PLEKHF2: variants seen among roughly 807,000 people sequenced by gnomAD.
PLEKHF2 encodes pleckstrin homology and FYVE domain containing 2.
In PLEKHF2, 4 loss-of-function variants were observed where a neutral mutation model predicts 14.7. The ratio of observed to expected loss-of-function variants is 0.27; its 90% CI spans 0.13 to 0.62. PLEKHF2 has a LOEUF of 0.62. Among genes scored for constraint, PLEKHF2 ranks in the 20% least tolerant of loss-of-function variants. The pLI, the probability that PLEKHF2 is intolerant of heterozygous loss-of-function variation, is 0.85. For missense variants in PLEKHF2, 201 were observed against 307.7 expected (o/e 0.65, Z 2.60); for synonymous variants, 90 against 103.5 (o/e 0.87, Z 0.79).
At chr8:95,139,759 TG>T (rs1375628751) in intron 1 of PLEKHF2, among the ~76,000 whole-genome samples, 1 of 151,902 alleles carries the variant, frequency 6.6e-6, no homozygotes, top group African/African-American at 2.4e-5. Context: ...TAAATTTTTG[TG>T]GGTAAAAATT....
Position 95,138,361 on chromosome 8 carries a change from C to G in PLEKHF2, c.-15+4331C>G, listed in dbSNP as rs953781260. Among the ~76,000 whole-genome samples the G allele has an allele frequency of 2.5e-4, 22 of 87,516 alleles. No homozygotes were observed. The South Asian group carries it at 4.7e-3, about 19-fold the overall frequency. The allele number at this position is 87,516 out of a possible 152,430, so 57.4% of individuals were successfully genotyped here. ...CACCAACTTCTTCATCTTCCCCCCC[C>G]CCCCGCCCCTTTTTCAGAAGTGGAA... On this transcript the variant is annotated intron_variant, in intron 1 of 1. Transcript: ENST00000315367.
At chr8:95,142,813 T>C (rs951312742) in intron 1 of PLEKHF2, among the ~76,000 whole-genome samples, 52 of 152,340 alleles carry the variant, frequency 3.4e-4, no homozygotes, top group African/African-American at 1.1e-3. Flanking sequence ...AATTTTTAAT[T>C]ACATACTGTA....
intron 1 of PLEKHF2, among the ~76,000 whole-genome samples, chr8:95,152,997 A>G (rs1810578895): frequency 2.0e-5 from 3 of 152,170 alleles, no homozygotes; most frequent in Admixed American, 6.6e-5. Flanking sequence ...TTAGAGATTA[A>G]ATGTTTAGAT....
At position 95,154,928 on chromosome 8, in the gene PLEKHF2, T is replaced by C; in HGVS notation, c.*134T>C. ...CTGAGAAACTTGTAACCTATGTGCC[T>C]CAATATATTCCATAGAAAGTAGGTC... On this transcript the variant is annotated 3_prime_UTR_variant, in exon 2 of 2. Coordinates refer to ENST00000315367, the MANE Select transcript of PLEKHF2 (RefSeq NM_024613.4). The surrounding 1 kb of genome is among the most constrained non-coding windows in gnomAD (Gnocchi z 5.6). The C allele has an allele frequency of 9.4e-7, 1 of 1,062,220 alleles. No homozygotes were observed. The highest frequency in any genetic ancestry group is 1.4e-6 in the Non-Finnish European group (1 of 736,102). 65.8% of individuals were successfully genotyped at this position (1,062,220 alleles called of 1,614,324 possible). A position where few individuals can be genotyped will look rare whatever the true frequency, so the allele number is the denominator to read the frequency against.
chr8:95,155,763 C>T lies in PLEKHF2; in HGVS notation c.*969C>T, dbSNP rs917995670. 1 of 167,018 alleles carries T rather than the reference C, an allele frequency of 6.0e-6. No homozygotes were observed. The highest frequency in any genetic ancestry group is 1.9e-4 in the East Asian group (1 of 5,204). The allele number at this position is 167,018 out of a possible 1,614,324, so 10.3% of individuals were successfully genotyped here. A position where few individuals can be genotyped will look rare whatever the true frequency, so the allele number is the denominator to read the frequency against. On this transcript the variant is annotated 3_prime_UTR_variant, in exon 2 of 2. Transcript: ENST00000315367. The stretch of plus-strand genomic sequence containing the variant: ...AGCCTGTGTTAGAGCACAGATTTAC[C>T]TAGGCTTGAAGATTTGGAAGAAATA...
chr8:95,141,325 G>A (rs528749864), intron 1 of PLEKHF2, among the ~76,000 whole-genome samples: 1 of 152,026 alleles, frequency 6.6e-6, no homozygotes, highest in Non-Finnish European at 1.5e-5. Context: ...CTTTTCAACT[G>A]GATCCTGTTT....
intron 1 of PLEKHF2, among the ~76,000 whole-genome samples, chr8:95,144,638 G>A (rs979912982): frequency 1.3e-5 from 2 of 152,070 alleles, no homozygotes; most frequent in African/African-American, 2.4e-5. Context: ...AAGCCGAGGC[G>A]GGTGGATCAC....
intron 1 of PLEKHF2, among the ~76,000 whole-genome samples, chr8:95,152,624 C>G: frequency 6.6e-6 from 1 of 151,990 alleles, no homozygotes; most frequent in Non-Finnish European, 1.5e-5. Context: ...AATTAGAAAC[C>G]TTTCCAGTTT....
intron 1 of PLEKHF2, among the ~76,000 whole-genome samples, chr8:95,151,571 A>G (rs1810564782): frequency 6.6e-6 from 1 of 151,924 alleles, no homozygotes; most frequent in African/African-American, 2.4e-5. Context: ...AAAAAAAATC[A>G]TAGCATTGAT....
rs1029665559 is a variant in PLEKHF2 at position 95,155,322 on chromosome 8, C to T, written c.*528C>T. 1 of 168,120 alleles carries T rather than the reference C, an allele frequency of 5.9e-6. No homozygotes were observed. 10.4% of individuals were successfully genotyped at this position (168,120 alleles called of 1,614,324 possible). The stretch of plus-strand genomic sequence containing the variant: ...CACTGTTACATGAAATAAGCCCCTA[C>T]CTTCTTACTTTCTGGTTTGTTGAAA... On this transcript the variant is annotated 3_prime_UTR_variant, in exon 2 of 2. Transcript: ENST00000315367.
At chr8:95,150,955 A>C (rs1810555347) in intron 1 of PLEKHF2, among the ~76,000 whole-genome samples, 1 of 152,132 alleles carries the variant, frequency 6.6e-6, no homozygotes, top group African/African-American at 2.4e-5. Context: ...AAATGGAGCT[A>C]ATAGTGCATG....
At chr8:95,143,678 C>CCT in intron 1 of PLEKHF2, among the ~76,000 whole-genome samples, 2 of 152,044 alleles carry the variant, frequency 1.3e-5, no homozygotes, top group Non-Finnish European at 2.9e-5. Context: ...AGAGCATATT[C>CCT]TGGTAATAGC....
intron 1 of PLEKHF2, among the ~76,000 whole-genome samples, chr8:95,135,202 T>A (rs1810362914): frequency 6.6e-6 from 1 of 152,186 alleles, no homozygotes; most frequent in South Asian, 2.1e-4. Flanking sequence ...ATATTCAGCC[T>A]CAGTAAATGA....
chr8:95,143,168 C>T (rs971485615), intron 1 of PLEKHF2, among the ~76,000 whole-genome samples: 3 of 149,876 alleles, frequency 2.0e-5, no homozygotes, highest in African/African-American at 7.4e-5. Context: ...GGCACTATCT[C>T]GGCTCACTGC....
At chr8:95,145,440 CTT>C (rs879898091) in intron 1 of PLEKHF2, among the ~76,000 whole-genome samples, 1 of 145,160 alleles carries the variant, frequency 6.9e-6, no homozygotes, top group African/African-American at 2.5e-5. Flanking sequence ...TGAAATATTT[CTT>C]TTTTTTTTTT....
chr8:95,138,353 T>TCCCCCCCCCCCC (rs61519066), intron 1 of PLEKHF2, among the ~76,000 whole-genome samples: 1 of 71,862 alleles, frequency 1.4e-5, no homozygotes, highest in Non-Finnish European at 2.6e-5. Context: ...TTCTTCATCT[T>TCCCCCCCCCCCC]CCCCCCCCCC....
rs771922470 is a variant in PLEKHF2, at chr8:95,154,626, C to T, written c.582C>T (p.Pro194=). The T allele has an allele frequency of 5.6e-6, 9 of 1,614,134 alleles. No individual in the cohort carries two copies. Among genetic ancestry groups the T allele is most frequent in the South Asian group, 1.1e-5 (1 of 91,082 alleles). Reference sequence around the variant, plus strand: ...GCTCTGAAAAGAGATTTCTTCTTCCCAGCCAGTCCTCTAAGCCTGTGCGGA... The same window carrying T: ...GCTCTGAAAAGAGATTTCTTCTTCCTAGCCAGTCCTCTAAGCCTGTGCGGA... The part of the protein sequence containing the change: ...GPCSEKRFLL[P]SQSSKPVRIC... The change falls in exon 2 of 2, where the codon CCC becomes CCT. Residue 194 remains proline (P), a synonymous_variant. Transcript: ENST00000315367. This position sits in a 1 kb window ranked among gnomAD's most constrained non-coding sequence, Gnocchi z 5.6.
intron 1 of PLEKHF2, among the ~76,000 whole-genome samples, chr8:95,144,743 TGTAATCCCA>T (rs930486122): frequency 6.6e-6 from 1 of 151,992 alleles, no homozygotes; most frequent in African/African-American, 2.4e-5. Flanking sequence ...GGTGGCCACC[TGTAATCCCA>T]GCTACTCAGG....
At chr8:95,142,153 A>T (rs1810446466) in intron 1 of PLEKHF2, among the ~76,000 whole-genome samples, 3 of 152,226 alleles carry the variant, frequency 2.0e-5, no homozygotes, top group Non-Finnish European at 2.9e-5. Context: ...AACTGTTTTG[A>T]ATGATACTAA....
Sources: allele counts gnomAD v4.1 joint callset (sites outside exome capture counted in the v4.1 genomes callset), GRCh38; gene constraint gnomAD v4.1.1; non-coding constraint Gnocchi (gnomAD v3.1); transcripts MANE v1.5; gene names NCBI Gene and HGNC (gene_info 2026-07-23, HGNC 2026-07-21).